The following ERC1 variants were observed in gnomAD, a reference collection of about 807,000 sequenced individuals.
ERC1 encodes ELKS/RAB6-interacting/CAST family member 1.
ERC1 carries 56 observed loss-of-function variants against 132.0 expected under a neutral mutation model. The observed-to-expected ratio is 0.42, with a 90% confidence interval of 0.34 to 0.53. The LOEUF (loss-of-function observed/expected upper bound fraction) is 0.53. Among genes scored for constraint, ERC1 ranks in the 20% least tolerant of loss-of-function variants. ERC1 has a pLI of 0.03. For synonymous variants in ERC1, 478 were observed against 476.1 expected (o/e 1.00, Z -0.05); for missense variants, 1,202 against 1,349.9 (o/e 0.89, Z 1.72).
chr12:1,475,967 TA>T (rs371095522), intron 18 of ERC1, among the ~76,000 whole-genome samples: 234 of 140,038 alleles, frequency 1.7e-3, no homozygotes, highest in Admixed American at 2.1e-3. Flanking sequence ...GTCATCTCTT[TA>T]AAAAAAAAAA....
At chr12:1,333,829 G>T (rs1299535237) in intron 15 of ERC1, among the ~76,000 whole-genome samples, 1 of 152,170 alleles carries the variant, frequency 6.6e-6, no homozygotes, top group Non-Finnish European at 1.5e-5. Flanking sequence ...GAATCATCAT[G>T]CTGTCTTCCA....
chr12:1,352,403 G>A (rs1595174246), intron 15 of ERC1, among the ~76,000 whole-genome samples: 1 of 152,210 alleles, frequency 6.6e-6, no homozygotes, highest in Admixed American at 6.5e-5. Flanking sequence ...GGGAATATGA[G>A]AAATTTCCAA....
At chr12:1,042,247 T>C (rs1411981640) in intron 2 of ERC1, among the ~76,000 whole-genome samples, 2 of 151,872 alleles carry the variant, frequency 1.3e-5, no homozygotes, top group Admixed American at 6.6e-5. Context: ...CCGTGTTAGC[T>C]AGGATGGTCT....
chr12:1,080,968 G>GTATT (rs949221235), intron 2 of ERC1, among the ~76,000 whole-genome samples: 2 of 151,850 alleles, frequency 1.3e-5, no homozygotes, highest in African/African-American at 4.8e-5. Flanking sequence ...GATAATGCAG[G>GTATT]TATTTATACC....
At chr12:1,080,512 C>A (rs535323687) in intron 2 of ERC1, among the ~76,000 whole-genome samples, 3 of 152,322 alleles carry the variant, frequency 2.0e-5, no homozygotes, top group Admixed American at 6.5e-5. Context: ...GGCTGTGTCT[C>A]CATTCAAATC....
intron 15 of ERC1, among the ~76,000 whole-genome samples, chr12:1,364,759 G>A (rs552330582): frequency 1.3e-5 from 2 of 152,138 alleles, no homozygotes; most frequent in African/African-American, 4.8e-5. Context: ...CATCTCATTA[G>A]TTATATTAAA....
chr12:1,185,918 T>C (rs892096783), intron 11 of ERC1, among the ~76,000 whole-genome samples: 1 of 152,222 alleles, frequency 6.6e-6, no homozygotes, highest in South Asian at 2.1e-4. Context: ...TTGTGGCTTT[T>C]AGCCACACCA....
intron 8 of ERC1, among the ~76,000 whole-genome samples, chr12:1,179,500 C>CTTTT (rs58317880): frequency 8.8e-4 from 84 of 95,750 alleles, no homozygotes; most frequent in South Asian, 1.7e-3. Flanking sequence ...ATTCATTTTT[C>CTTTT]TTTTTTTTTT....
intron 8 of ERC1, among the ~76,000 whole-genome samples, chr12:1,168,594 C>T (rs1952708640): frequency 6.7e-6 from 1 of 149,800 alleles, no homozygotes; most frequent in African/African-American, 2.5e-5. Flanking sequence ...AAGCAATTCT[C>T]CTGCCTCAGC....
chr12:1,241,782 A>G lies in ERC1; in HGVS notation c.2487+4878A>G, dbSNP rs187185127. The stretch of plus-strand genomic sequence containing the variant: ...ATCATATGCTACATAATCACACAGA[A>G]GTTTCCATTTCATTCTAGATTCATT... On this transcript the variant is annotated intron_variant, in intron 13 of 18. Coordinates refer to ENST00000360905, the MANE Select transcript of ERC1 (RefSeq NM_178040.4). Among the ~76,000 whole-genome samples the G allele has an allele frequency of 1.7e-3, 253 of 151,714 alleles. 1 individual carries two copies. The highest frequency in any genetic ancestry group is 4.6e-3 in the Admixed American group (70 of 15,246).
chr12:1,353,067 A>C (rs1419295905), intron 15 of ERC1, among the ~76,000 whole-genome samples: 1 of 123,350 alleles, frequency 8.1e-6, no homozygotes, highest in East Asian at 2.3e-4. Flanking sequence ...GTCTCGCTTT[A>C]TCACTCAGGC....
chr12:1,488,777 G>C (rs1265339007), intron 18 of ERC1, among the ~76,000 whole-genome samples: 1 of 152,196 alleles, frequency 6.6e-6, no homozygotes, highest in East Asian at 1.9e-4. Flanking sequence ...TCCCCAGCTA[G>C]AATTGTCAGA....
chr12:1,413,519 G>C lies in ERC1; in HGVS notation c.3024+5272G>C, dbSNP rs937455128. Among the ~76,000 whole-genome samples, 11 of 152,032 alleles carry C rather than the reference G, an allele frequency of 7.2e-5. 1 individual carries two copies. Among genetic ancestry groups the C allele is most frequent in the African/African-American group, 2.7e-4 (11 of 41,370 alleles). On this transcript the variant is annotated intron_variant, in intron 17 of 18. Coordinates refer to ENST00000360905, the MANE Select transcript of ERC1 (RefSeq NM_178040.4). ...TGAGGCACAAGAATCACTTGAACCT[G>C]GGGGGCAGAGGTTGCAGTGAACCAA...
At chr12:1,216,784 A>C (rs1958471518) in intron 12 of ERC1, among the ~76,000 whole-genome samples, 1 of 152,174 alleles carries the variant, frequency 6.6e-6, no homozygotes, top group Non-Finnish European at 1.5e-5. Context: ...TCTGACTTCT[A>C]CCAAGAAGGG....
chr12:1,024,406 C>T (rs568977724), intron 1 of ERC1, among the ~76,000 whole-genome samples: 1 of 152,050 alleles, frequency 6.6e-6, no homozygotes, highest in East Asian at 1.9e-4. Flanking sequence ...AAACATCTCC[C>T]GCCTCTCCAC....
chr12:1,265,920 G>A (rs1417134668), intron 14 of ERC1, among the ~76,000 whole-genome samples: 1 of 152,170 alleles, frequency 6.6e-6, no homozygotes, highest in Non-Finnish European at 1.5e-5. Flanking sequence ...CCATTGTATG[G>A]ATATGCCGCA....
intron 8 of ERC1, among the ~76,000 whole-genome samples, chr12:1,180,070 A>T (rs1482126896): frequency 6.6e-6 from 1 of 152,130 alleles, no homozygotes. Context: ...TATATAGCTG[A>T]TTTGTCTTTT....
intron 1 of ERC1, among the ~76,000 whole-genome samples, chr12:995,063 T>C (rs922326141): frequency 6.7e-6 from 1 of 150,028 alleles, no homozygotes; most frequent in African/African-American, 2.5e-5. Flanking sequence ...GCTATTGCAC[T>C]CCAGCCTGGG....
intron 16 of ERC1, among the ~76,000 whole-genome samples, chr12:1,399,792 T>G (rs2090862818): frequency 6.6e-6 from 1 of 152,338 alleles, no homozygotes; most frequent in Non-Finnish European, 1.5e-5. Context: ...TCATAAGTTG[T>G]TGGATATTTG....
Sources: allele counts gnomAD v4.1 joint callset (sites outside exome capture counted in the v4.1 genomes callset), GRCh38; gene constraint gnomAD v4.1.1; transcripts MANE v1.5; gene names NCBI Gene and HGNC (gene_info 2026-07-23, HGNC 2026-07-21).